USP28: variants seen among roughly 807,000 people sequenced by gnomAD.
The protein encoded by USP28 is ubiquitin specific peptidase 28.
USP28 carries 113 observed loss-of-function variants against 145.0 expected under a neutral mutation model. The ratio of observed to expected loss-of-function variants is 0.78; its 90% CI spans 0.67 to 0.91. The LOEUF (loss-of-function observed/expected upper bound fraction) is 0.91, where lower values mean the gene tolerates loss of function less well. USP28 is among the 40% of genes least tolerant of loss of function. The pLI, the probability that USP28 is intolerant of heterozygous loss-of-function variation, is 0.00. For synonymous variants in USP28, 447 were observed against 450.9 expected, an observed-to-expected ratio of 0.99 and a Z score of 0.11; for missense variants, 1,201 against 1,289.6, an observed-to-expected ratio of 0.93 and a Z score of 1.05.
chr11:113,870,362 A>C (rs1477318395), intron 1 of USP28, among the ~76,000 whole-genome samples: 1 of 152,044 alleles, frequency 6.6e-6, no homozygotes, highest in African/African-American at 2.4e-5. Flanking sequence ...CCTCGTCTCT[A>C]TAAAAAATTA....
At chr11:113,802,484 C>T (rs1633547) in intron 23 of USP28, among the ~76,000 whole-genome samples, 28,130 of 152,140 alleles carry the variant, frequency 0.18, 2,896 homozygotes, top group Non-Finnish European at 0.23. Context: ...TGAAAACACA[C>T]ACAAGCCCAC....
intron 3 of USP28, among the ~76,000 whole-genome samples, chr11:113,842,973 T>G (rs1397415975): frequency 6.6e-6 from 1 of 151,876 alleles, no homozygotes; most frequent in Non-Finnish European, 1.5e-5. Context: ...GCTCACGCCT[T>G]TAATCCCAGC....
chr11:113,860,856 T>C (rs1453991139), intron 1 of USP28, among the ~76,000 whole-genome samples: 4 of 150,626 alleles, frequency 2.7e-5, no homozygotes, highest in African/African-American at 9.8e-5. Flanking sequence ...TGGTGGCTCA[T>C]GCCTGTAATC....
chr11:113,799,564 A>T, intron 24 of USP28, 149 bp from the exon 26 acceptor site: 1 of 922,346 alleles, frequency 1.1e-6, no homozygotes, highest in Non-Finnish European at 1.5e-6. Context: ...TTCAGGCCAA[A>T]CCAGGAGCAA....
intron 1 of USP28, chr11:113,874,448 A>ATTGT: frequency 9.6e-7 from 1 of 1,043,924 alleles, no homozygotes; most frequent in Non-Finnish European, 1.2e-6. Context: ...AAAAAAAAAA[A>ATTGT]AGTGTCTCCA....
chr11:113,863,683 C>A (rs1257946104), intron 1 of USP28, among the ~76,000 whole-genome samples: 1 of 151,018 alleles, frequency 6.6e-6, no homozygotes, highest in Admixed American at 6.6e-5. Flanking sequence ...CGGTGGCTCA[C>A]GCCTGTAATC....
chr11:113,871,070 GT>G (rs1420766059), intron 1 of USP28, among the ~76,000 whole-genome samples: 1 of 152,218 alleles, frequency 6.6e-6, no homozygotes, highest in East Asian at 1.9e-4. Flanking sequence ...TAGGTCTAGA[GT>G]GGGGGTACAG....
intron 12 of USP28, among the ~76,000 whole-genome samples, chr11:113,819,754 T>C (rs920551799): frequency 3.3e-5 from 5 of 152,210 alleles, no homozygotes; most frequent in African/African-American, 1.2e-4. Flanking sequence ...AGTTTTGCTC[T>C]TGTTGCCCAG....
intron 1 of USP28, among the ~76,000 whole-genome samples, chr11:113,864,977 C>G (rs2136973052): frequency 6.6e-6 from 1 of 152,224 alleles, no homozygotes; most frequent in Admixed American, 6.5e-5. Context: ...GGTGGGAACA[C>G]AGATGTGTGC....
intron 3 of USP28, among the ~76,000 whole-genome samples, chr11:113,843,679 A>G (rs1418781061): frequency 1.3e-5 from 2 of 151,518 alleles, no homozygotes; most frequent in Admixed American, 6.6e-5. Flanking sequence ...CTCAAAAAAA[A>G]AAAAAAAAAA....
intron 7 of USP28, 128 bp downstream of exon 7, chr11:113,833,291 AG>A (rs1241654959): frequency 7.6e-7 from 1 of 1,321,312 alleles, no homozygotes; most frequent in African/African-American, 1.5e-5. Flanking sequence ...GCAAAACAAA[AG>A]TCAGAAACGA....
chr11:113,830,078 A>G (rs933004184), intron 9 of USP28, among the ~76,000 whole-genome samples: 1 of 152,288 alleles, frequency 6.6e-6, no homozygotes, highest in East Asian at 1.9e-4. Context: ...TACAGAACAA[A>G]CAACCCAGTT....
At chr11:113,845,435 C>CAA (rs199960425) in intron 3 of USP28, among the ~76,000 whole-genome samples, 11 of 143,638 alleles carry the variant, frequency 7.7e-5, no homozygotes, top group African/African-American at 2.3e-4. Flanking sequence ...GACCCTGTCT[C>CAA]AAAAAAAAAA....
chr11:113,834,739 C>T (rs1189572540), intron 5 of USP28, among the ~76,000 whole-genome samples: 1 of 151,876 alleles, frequency 6.6e-6, no homozygotes. Flanking sequence ...TTTATATAAA[C>T]TATACTACAT....
chr11:113,873,719 A>G (rs1188441684), intron 1 of USP28, among the ~76,000 whole-genome samples: 1 of 151,998 alleles, frequency 6.6e-6, no homozygotes, highest in African/African-American at 2.4e-5. Flanking sequence ...CTCTGAAGCC[A>G]GAGAAAAATC....
rs888041986 is a variant in USP28 at position 113,854,273 on chromosome 11, G to A, written c.120C>T (p.Leu40=). 5 of 1,613,868 alleles carry A rather than the reference G, an allele frequency of 3.1e-6. No individual in the cohort carries two copies. In the African/African-American group the frequency reaches 5.3e-5, roughly 17 times the overall value. ...GGAAACCAACCTTCAGAGCTTCATG[G>A]AGAAAGGAAGGGTCCTGAATGCCTG... is the stretch of plus-strand genomic sequence containing the variant. Residue 40 remains leucine, a synonymous_variant, in exon 2 of 25, where the codon CTC becomes CTT. Coordinates refer to ENST00000003302, the Ensembl canonical transcript of USP28.
At chr11:113,814,292 A>G (rs1565355699) in intron 14 of USP28, among the ~76,000 whole-genome samples, 1 of 152,194 alleles carries the variant, frequency 6.6e-6, no homozygotes, top group East Asian at 1.9e-4. Flanking sequence ...ACAAAGGGTA[A>G]GGCTAAATTT....
At chr11:113,806,683 A>G (rs1472313993) in intron 18 of USP28, 99 bp from the exon 20 acceptor site, 2 of 798,920 alleles carry the variant, frequency 2.5e-6, no homozygotes, top group African/African-American at 3.6e-5. Flanking sequence ...AAAGGGCAGC[A>G]GAGCAGTGTG....
chr11:113,872,962 C>T (rs1948982030), intron 1 of USP28, among the ~76,000 whole-genome samples: 1 of 152,140 alleles, frequency 6.6e-6, no homozygotes, highest in Non-Finnish European at 1.5e-5. Flanking sequence ...ATTTCTCGCA[C>T]TAAAATTCTT....
Sources: allele counts gnomAD v4.1 joint callset (sites outside exome capture counted in the v4.1 genomes callset), GRCh38; gene constraint gnomAD v4.1.1; transcripts MANE v1.5; gene names NCBI Gene and HGNC (gene_info 2026-07-23, HGNC 2026-07-21).